The following SND1 variants were observed in gnomAD, a reference collection of about 807,000 sequenced individuals.
SND1 encodes the protein staphylococcal nuclease domain-containing protein 1.
SND1 carries 38 observed loss-of-function variants against 121.7 expected under a neutral mutation model. The observed-to-expected ratio is 0.31, with a 90% CI of 0.24 to 0.41. The LOEUF (loss-of-function observed/expected upper bound fraction) is 0.41. SND1 is among the 10% of genes least tolerant of loss of function. SND1 has a pLI of 1.00. For missense variants in SND1, 868 were observed against 1,184.6 expected, an observed-to-expected ratio of 0.73 and a Z score of 3.92; for synonymous variants, 401 against 447.4, an observed-to-expected ratio of 0.90 and a Z score of 1.31.
rs567856895 is a variant in SND1, at chr7:128,064,717, A to C, written c.1780-9785A>C. 1.7e-3 allele frequency among the ~76,000 whole-genome samples: 252 copies of C among 152,306 alleles called. 2 individuals carry two copies. The highest frequency in any genetic ancestry group is 5.8e-3 in the African/African-American group (241 of 41,550). ...GATGCAGGGACTGTCTACAGCTTAA[A>C]ATAGCCCCTGGGGAACGTTCATATT... On this transcript the variant is annotated intron_variant, in intron 16 of 23. Coordinates refer to ENST00000354725, the MANE Select transcript of SND1 (RefSeq NM_014390.4).
At chr7:127,795,844 A>G (rs1324099733) in intron 10 of SND1, among the ~76,000 whole-genome samples, 1 of 151,656 alleles carries the variant, frequency 6.6e-6, no homozygotes, top group Admixed American at 6.6e-5. Flanking sequence ...TCTTTTATTT[A>G]TTTATTTATT....
At chr7:127,673,718 T>C (rs1795565938) in intron 1 of SND1, among the ~76,000 whole-genome samples, 1 of 152,266 alleles carries the variant, frequency 6.6e-6, no homozygotes, top group South Asian at 2.1e-4. Flanking sequence ...GAACTTTCTC[T>C]TCCACATTTT....
chr7:127,796,890 CTTTTTTTT>C (rs36078891), intron 10 of SND1, among the ~76,000 whole-genome samples: 1 of 102,090 alleles, frequency 9.8e-6, no homozygotes, highest in Admixed American at 1.2e-4. Context: ...TTTCCTGAGT[CTTTTTTTT>C]TTTTTTTTTT....
intron 13 of SND1, among the ~76,000 whole-genome samples, chr7:127,888,368 T>C (rs370340964): frequency 3.9e-5 from 6 of 152,262 alleles, no homozygotes; most frequent in South Asian, 4.1e-4. Context: ...TACATTTGCC[T>C]CTGTTTCTTA....
chr7:127,974,823 T>G (rs1277123424), intron 15 of SND1, among the ~76,000 whole-genome samples: 16 of 152,242 alleles, frequency 1.1e-4, no homozygotes, highest in Admixed American at 7.2e-4. Flanking sequence ...TGCTGACAGC[T>G]GTCCTCTTTG....
chr7:127,892,117 G>A (rs1163278641), intron 13 of SND1, among the ~76,000 whole-genome samples: 2 of 152,094 alleles, frequency 1.3e-5, no homozygotes, highest in Non-Finnish European at 2.9e-5. Flanking sequence ...TTGGCCATTA[G>A]TACTTTCAGA....
chr7:127,882,203 A>G (rs867603568), intron 12 of SND1, among the ~76,000 whole-genome samples: 1 of 151,814 alleles, frequency 6.6e-6, no homozygotes, highest in African/African-American at 2.4e-5. Context: ...TGTAGTTACT[A>G]TGATCATACC....
intron 14 of SND1, among the ~76,000 whole-genome samples, chr7:127,907,630 C>G (rs1800366606): frequency 6.6e-6 from 1 of 152,184 alleles, no homozygotes; most frequent in African/African-American, 2.4e-5. Context: ...CACCACCCTC[C>G]TCTCCATCCC....
chr7:127,960,053 GTTC>G (rs1462133992), intron 15 of SND1, among the ~76,000 whole-genome samples: 7 of 152,196 alleles, frequency 4.6e-5, no homozygotes, highest in Non-Finnish European at 7.3e-5. Flanking sequence ...AAACAGATCT[GTTC>G]TTCTAGCTGC....
chr7:128,002,893 A>G (rs1458652851), intron 16 of SND1, among the ~76,000 whole-genome samples: 1 of 152,238 alleles, frequency 6.6e-6, no homozygotes, highest in African/African-American at 2.4e-5. Context: ...GAAGATAGAT[A>G]GCACAGTGCC....
chr7:127,938,428 A>G (rs1801111566), intron 15 of SND1, among the ~76,000 whole-genome samples: 2 of 152,226 alleles, frequency 1.3e-5, no homozygotes, highest in Non-Finnish European at 2.9e-5. Flanking sequence ...AAACAAGGAA[A>G]TATGAAAGAG....
intron 16 of SND1, chr7:128,031,696 G>A (rs1342596277): frequency 4.9e-5 from 7 of 142,760 alleles, no homozygotes; most frequent in African/African-American, 1.8e-4. Context: ...CGCCCGCACC[G>A]CAGGCCCCTT....
At chr7:128,058,052 C>A (rs1334807288) in intron 16 of SND1, among the ~76,000 whole-genome samples, 1 of 152,262 alleles carries the variant, frequency 6.6e-6, no homozygotes, top group Admixed American at 6.5e-5. Context: ...GGATTCACAA[C>A]CTCTAGTTCA....
At chr7:127,881,319 C>A (rs535719610) in intron 12 of SND1, among the ~76,000 whole-genome samples, 1 of 152,260 alleles carries the variant, frequency 6.6e-6, no homozygotes, top group South Asian at 2.1e-4. Context: ...ATGCTATGCA[C>A]ATTAAAATTA....
chr7:127,719,920 A>G (rs146746670), intron 9 of SND1, among the ~76,000 whole-genome samples: 1 of 152,222 alleles, frequency 6.6e-6, no homozygotes, highest in East Asian at 1.9e-4. Context: ...TCTGTTACAT[A>G]TAATTTCTCA....
At chr7:127,740,137 G>T (rs1409684784) in intron 10 of SND1, among the ~76,000 whole-genome samples, 1 of 152,170 alleles carries the variant, frequency 6.6e-6, no homozygotes, top group East Asian at 1.9e-4. Flanking sequence ...TTAAGGTTCA[G>T]GGCAAAACAG....
At chr7:127,724,906 A>G (rs3808095) in intron 10 of SND1, among the ~76,000 whole-genome samples, 52,678 of 152,062 alleles carry the variant, frequency 0.35, 9,755 homozygotes, top group Admixed American at 0.43. Context: ...AGTGAGAACT[A>G]TGGATGCTGC....
chr7:127,963,692 T>G (rs1584699422), intron 15 of SND1, among the ~76,000 whole-genome samples: 3 of 50,508 alleles, frequency 5.9e-5, no homozygotes, highest in East Asian at 8.8e-4. Flanking sequence ...TTTGCTATTG[T>G]GAATAATGCC....
intron 10 of SND1, among the ~76,000 whole-genome samples, chr7:127,748,804 G>C (rs2116451462): frequency 6.6e-6 from 1 of 152,270 alleles, no homozygotes; most frequent in East Asian, 1.9e-4. Flanking sequence ...GTCTTGAAGG[G>C]TAGCTGAATG....
Sources: allele counts gnomAD v4.1 joint callset (sites outside exome capture counted in the v4.1 genomes callset), GRCh38; gene constraint gnomAD v4.1.1; transcripts MANE v1.5; gene names NCBI Gene and HGNC (gene_info 2026-07-23, HGNC 2026-07-21).